CSNK2A2IP: variants seen among roughly 807,000 people sequenced by gnomAD.
CSNK2A2IP encodes casein kinase 2 subunit alpha' interacting protein.
the CSNK2A2IP span, among the ~76,000 whole-genome samples, chr3:88,445,698 A>G: frequency 2.7e-3 from 410 of 152,096 alleles, 5 homozygotes; most frequent in Middle Eastern, 3.4e-3. Flanking sequence ...AACTGGGATT[A>G]CAAGTGTACG....
chr3:88,436,540 T>C, the CSNK2A2IP span, among the ~76,000 whole-genome samples: 5 of 152,124 alleles, frequency 3.3e-5, no homozygotes, highest in Non-Finnish European at 7.4e-5. Flanking sequence ...AATCTTTTCA[T>C]GAAATTCAAA....
the CSNK2A2IP span, among the ~76,000 whole-genome samples, chr3:88,409,895 T>A: frequency 6.6e-6 from 1 of 152,076 alleles, no homozygotes; most frequent in Non-Finnish European, 1.5e-5. Context: ...GGAACAGTTA[T>A]GAAAGCAATG....
chr3:88,432,532 A>G, the CSNK2A2IP span, among the ~76,000 whole-genome samples: 2 of 151,730 alleles, frequency 1.3e-5, no homozygotes, highest in Admixed American at 6.6e-5. Flanking sequence ...ACTATATGTT[A>G]AGCAACTGTT....
chr3:88,394,537 G>A, the CSNK2A2IP span, among the ~76,000 whole-genome samples: 49 of 152,068 alleles, frequency 3.2e-4, no homozygotes, highest in East Asian at 9.7e-4. Flanking sequence ...CACGGCCAGC[G>A]AATTTTTATA....
chr3:88,397,647 G>A, the CSNK2A2IP span, among the ~76,000 whole-genome samples: 50 of 151,776 alleles, frequency 3.3e-4, no homozygotes, highest in African/African-American at 1.1e-3. Flanking sequence ...ATGAAATAGG[G>A]GTGATGTGTT....
the CSNK2A2IP span, among the ~76,000 whole-genome samples, chr3:88,373,824 G>A: frequency 1.1e-4 from 17 of 151,464 alleles, no homozygotes; most frequent in East Asian, 2.1e-3. Flanking sequence ...AAACAGATTC[G>A]AAAGATTAGA....
the CSNK2A2IP span, among the ~76,000 whole-genome samples, chr3:88,356,944 G>T: frequency 6.6e-6 from 1 of 151,904 alleles, no homozygotes; most frequent in Non-Finnish European, 1.5e-5. Context: ...TCAATTAGAT[G>T]ATGATGGTGA....
the CSNK2A2IP span, among the ~76,000 whole-genome samples, chr3:88,419,838 A>G: frequency 6.6e-6 from 1 of 152,224 alleles, no homozygotes. Flanking sequence ...AAACATTATA[A>G]AAAACCGTTT....
At chr3:88,397,918 T>G in the CSNK2A2IP span, among the ~76,000 whole-genome samples, 1 of 152,132 alleles carries the variant, frequency 6.6e-6, no homozygotes, top group Non-Finnish European at 1.5e-5. Context: ...TATTTATTCA[T>G]AAAGCAATCC....
chr3:88,404,619 C>T, the CSNK2A2IP span, among the ~76,000 whole-genome samples: 6 of 122,676 alleles, frequency 4.9e-5, no homozygotes, highest in South Asian at 3.0e-4. Flanking sequence ...TCTAGAAACA[C>T]GACTTTATAA....
the CSNK2A2IP span, among the ~76,000 whole-genome samples, chr3:88,339,993 T>C: frequency 6.6e-6 from 1 of 152,044 alleles, no homozygotes; most frequent in African/African-American, 2.4e-5. Flanking sequence ...TAGATATGCA[T>C]TGGTCCTTAA....
the CSNK2A2IP span, among the ~76,000 whole-genome samples, chr3:88,414,141 A>G: frequency 1.3e-5 from 2 of 150,892 alleles, no homozygotes; most frequent in South Asian, 2.1e-4. Context: ...TGCTGATAAA[A>G]GTACAATACT....
the CSNK2A2IP span, among the ~76,000 whole-genome samples, chr3:88,353,278 G>T: frequency 1.3e-5 from 2 of 152,116 alleles, no homozygotes; most frequent in Non-Finnish European, 2.9e-5. Flanking sequence ...CTAAAACTGT[G>T]CAAGTCACAG....
At chr3:88,350,260 T>C in the CSNK2A2IP span, among the ~76,000 whole-genome samples, 1 of 152,152 alleles carries the variant, frequency 6.6e-6, no homozygotes, top group Non-Finnish European at 1.5e-5. Flanking sequence ...TGCTTTCTTC[T>C]TTTTCATTTT....
At chr3:88,444,092 T>A in the CSNK2A2IP span, among the ~76,000 whole-genome samples, 6 of 152,202 alleles carry the variant, frequency 3.9e-5, no homozygotes, top group Non-Finnish European at 8.8e-5. Flanking sequence ...ATTTTTCAAT[T>A]GTACATTTTA....
At chr3:88,412,301 G>T in the CSNK2A2IP span, among the ~76,000 whole-genome samples, 2 of 151,930 alleles carry the variant, frequency 1.3e-5, no homozygotes, top group African/African-American at 4.8e-5. Context: ...TTCCACAGCA[G>T]CTCCTCTTGC....
the CSNK2A2IP span, among the ~76,000 whole-genome samples, chr3:88,430,559 C>T: frequency 2.6e-5 from 4 of 151,976 alleles, no homozygotes; most frequent in African/African-American, 9.7e-5. Context: ...TACCAACATA[C>T]TGATGAGACA....
chr3:88,366,159 T>C, the CSNK2A2IP span, among the ~76,000 whole-genome samples: 1 of 152,168 alleles, frequency 6.6e-6, no homozygotes, highest in Non-Finnish European at 1.5e-5. Context: ...TGGCAGAGGA[T>C]TTTAAACTCC....
chr3:88,412,697 C>T, the CSNK2A2IP span, among the ~76,000 whole-genome samples: 4 of 152,054 alleles, frequency 2.6e-5, no homozygotes, highest in East Asian at 7.7e-4. Context: ...TGTACTAACA[C>T]ACACCTAGAT....
Sources: gnomAD v4.1 joint callset for allele counts (sites outside exome capture counted in the v4.1 genomes callset) on GRCh38, gnomAD v4.1.1 for gene constraint, MANE v1.5 for transcripts, NCBI Gene and HGNC (gene_info 2026-07-23, HGNC 2026-07-21) for gene names.